SLC24A3: variants seen among roughly 807,000 people sequenced by gnomAD.
SLC24A3 encodes sodium/potassium/calcium exchanger 3.
SLC24A3 carries 28 observed loss-of-function variants against 75.8 expected under a neutral mutation model. That is an observed-to-expected ratio of 0.37 (90% CI 0.27 to 0.51). The LOEUF (loss-of-function observed/expected upper bound fraction) is 0.51, where lower values mean the gene tolerates loss of function less well. Among genes scored for constraint, SLC24A3 ranks in the 20% least tolerant of loss-of-function variants. SLC24A3 has a pLI of 0.94. For missense variants in SLC24A3, 663 were observed against 847.8 expected, an observed-to-expected ratio of 0.78 and a Z score of 2.71; for synonymous variants, 372 against 334.1, an observed-to-expected ratio of 1.11 and a Z score of -1.24.
intron 14 of SLC24A3, 50 bp from the exon 15 acceptor site, chr20:19,698,518 G>A (rs757024733): frequency 6.9e-7 from 1 of 1,447,660 alleles, no homozygotes; most frequent in Non-Finnish European, 9.5e-7. Flanking sequence ...AGTCCTGTGT[G>A]GGGCCCCTGG....
At chr20:19,709,027 G>C (rs2032960727) in intron 15 of SLC24A3, among the ~76,000 whole-genome samples, 1 of 152,086 alleles carries the variant, frequency 6.6e-6, no homozygotes, top group Non-Finnish European at 1.5e-5. Context: ...TATGAGAGTG[G>C]AGAGGAAGAA....
chr20:19,381,405 T>C (rs756795938), intron 2 of SLC24A3, among the ~76,000 whole-genome samples: 3 of 152,170 alleles, frequency 2.0e-5, no homozygotes, highest in African/African-American at 4.8e-5. Flanking sequence ...GAATGATGGA[T>C]AAGATGATCT....
chr20:19,509,582 G>C (rs1341702453), intron 2 of SLC24A3, among the ~76,000 whole-genome samples: 3 of 152,250 alleles, frequency 2.0e-5, no homozygotes, highest in African/African-American at 7.2e-5. Context: ...AGGCACCAGA[G>C]TGTGTCGCCA....
chr20:19,319,196 A>G (rs1225834193), intron 2 of SLC24A3, among the ~76,000 whole-genome samples: 1 of 152,252 alleles, frequency 6.6e-6, no homozygotes, highest in Non-Finnish European at 1.5e-5. Flanking sequence ...TAAAGGAACC[A>G]TGGACTCTAC....
intron 6 of SLC24A3, among the ~76,000 whole-genome samples, chr20:19,586,259 G>C (rs1294394821): frequency 1.3e-5 from 2 of 152,170 alleles, no homozygotes; most frequent in Non-Finnish European, 2.9e-5. Context: ...GTTTGCAACT[G>C]TTTTGCCAAC....
chr20:19,287,137 A>C (rs1403760898), intron 2 of SLC24A3, among the ~76,000 whole-genome samples: 2 of 152,226 alleles, frequency 1.3e-5, no homozygotes, highest in Non-Finnish European at 2.9e-5. Flanking sequence ...AGAGAAGTTT[A>C]TTTCTTTCTC....
intron 1 of SLC24A3, among the ~76,000 whole-genome samples, chr20:19,268,532 G>C (rs1983232070): frequency 6.6e-6 from 1 of 152,148 alleles, no homozygotes; most frequent in African/African-American, 2.4e-5. Context: ...TTAATATCCA[G>C]ATGTGGTAAT....
chr20:19,702,619 G>A (rs2032886784), intron 15 of SLC24A3, among the ~76,000 whole-genome samples: 3 of 47,676 alleles, frequency 6.3e-5, no homozygotes, highest in Admixed American at 5.5e-4. Context: ...TCTGTAATAA[G>A]TGCAAAAAAA....
intron 3 of SLC24A3, among the ~76,000 whole-genome samples, chr20:19,570,037 A>G (rs577722642): frequency 6.6e-6 from 1 of 152,308 alleles, no homozygotes; most frequent in South Asian, 2.1e-4. Flanking sequence ...ACACTGCTGT[A>G]AAGACCTACC....
intron 2 of SLC24A3, among the ~76,000 whole-genome samples, chr20:19,506,292 C>T (rs1449475183): frequency 1.3e-5 from 2 of 152,172 alleles, no homozygotes; most frequent in Non-Finnish European, 2.9e-5. Flanking sequence ...GTTTAATGAT[C>T]CCTCTAGGCC....
At chr20:19,461,514 T>C (rs1181876081) in intron 2 of SLC24A3, among the ~76,000 whole-genome samples, 1 of 147,932 alleles carries the variant, frequency 6.8e-6, no homozygotes, top group Non-Finnish European at 1.5e-5. Context: ...TACGTCCTTT[T>C]CTTTTCTTTT....
At chr20:19,621,780 A>G (rs977617152) in intron 6 of SLC24A3, among the ~76,000 whole-genome samples, 1 of 152,220 alleles carries the variant, frequency 6.6e-6, no homozygotes, top group Non-Finnish European at 1.5e-5. Context: ...GGACGTATCC[A>G]GTCTTCTGCT....
chr20:19,452,623 A>T (rs731743), intron 2 of SLC24A3, among the ~76,000 whole-genome samples: 65,449 of 151,762 alleles, frequency 0.43, 14,609 homozygotes, highest in East Asian at 0.79. Flanking sequence ...AGCATCATAC[A>T]GGGGTCCTGG....
Position 19,572,356 on chromosome 20 carries a change from A to T in SLC24A3, c.349-7644A>T, listed in dbSNP as rs558575631. Among the ~76,000 whole-genome samples the T allele has an allele frequency of 8.1e-4, 122 of 150,418 alleles. 3 individuals carry two copies. The highest frequency in any genetic ancestry group is 6.6e-4 in the Non-Finnish European group (44 of 66,948). The stretch of plus-strand genomic sequence containing the variant: ...GCATGACCCCATCTCTAAAAGAAGA[A>T]AAAAAGAAAAAAACAGGTCCATAAC... On this transcript the variant is annotated intron_variant, in intron 3 of 16. Coordinates refer to ENST00000328041, the MANE Select transcript of SLC24A3 (RefSeq NM_020689.4).
At chr20:19,219,998 G>A (rs1178859169) in intron 1 of SLC24A3, among the ~76,000 whole-genome samples, 1 of 152,150 alleles carries the variant, frequency 6.6e-6, no homozygotes, top group Non-Finnish European at 1.5e-5. Context: ...AAGGGAGGTG[G>A]GTGGATTAGA....
intron 2 of SLC24A3, among the ~76,000 whole-genome samples, chr20:19,514,670 A>G (rs548580253): frequency 1.2e-4 from 19 of 152,182 alleles, no homozygotes; most frequent in Non-Finnish European, 2.8e-4. Context: ...CAGAAGGTTG[A>G]TTGGATTTTA....
intron 2 of SLC24A3, among the ~76,000 whole-genome samples, chr20:19,456,421 G>T (rs1180954292): frequency 1.3e-5 from 2 of 152,248 alleles, no homozygotes; most frequent in East Asian, 3.9e-4. Flanking sequence ...AGGGGTTTCT[G>T]CTTTTGCGTG....
chr20:19,450,648 A>G (rs78415804), intron 2 of SLC24A3, among the ~76,000 whole-genome samples: 2 of 152,190 alleles, frequency 1.3e-5, no homozygotes, highest in Admixed American at 6.5e-5. Context: ...CCCCCTTATG[A>G]TGATCACAGC....
chr20:19,335,467 A>G (rs7269980), intron 2 of SLC24A3, among the ~76,000 whole-genome samples: 9,769 of 152,264 alleles, frequency 0.064, 765 homozygotes, highest in East Asian at 0.27. Context: ...GAGAACAGTA[A>G]TTGCTGGAGC....
Sources: allele counts gnomAD v4.1 joint callset (sites outside exome capture counted in the v4.1 genomes callset), GRCh38; gene constraint gnomAD v4.1.1; transcripts MANE v1.5; gene names NCBI Gene and HGNC (gene_info 2026-07-23, HGNC 2026-07-21).